The following LY9 variants were observed in gnomAD, a reference collection of about 807,000 sequenced individuals.
The protein encoded by LY9 is lymphocyte antigen 9.
In LY9, 59 loss-of-function variants were observed where a neutral mutation model predicts 64.6. That is an observed-to-expected ratio of 0.91 (90% CI 0.74 to 1.13). LY9 has a LOEUF of 1.13. LY9 is among the 50% of genes most tolerant of loss of function. The pLI is 0.00. For synonymous variants in LY9, 281 were observed against 308.5 expected (o/e 0.91, Z 0.93); for missense variants, 789 against 797.2 (o/e 0.99, Z 0.12).
intron 2 of LY9, chr1:160,801,942 A>C (rs1322176499): frequency 6.2e-7 from 1 of 1,610,890 alleles, no homozygotes; most frequent in South Asian, 1.1e-5. Context: ...CTGCCACTGG[A>C]GACCGCTCCG....
chr1:160,807,516 C>T (rs908661278), intron 2 of LY9, among the ~76,000 whole-genome samples: 1 of 152,162 alleles, frequency 6.6e-6, no homozygotes, highest in African/African-American at 2.4e-5. Flanking sequence ...TGCTTATCAG[C>T]AGGTCGATTT....
intron 1 of LY9, chr1:160,798,992 G>C (rs1448517106): frequency 1.3e-5 from 2 of 152,170 alleles, no homozygotes; most frequent in Non-Finnish European, 2.9e-5. Flanking sequence ...CCAAATACCA[G>C]CTTCCTAGAT....
At chr1:160,802,185 G>A in intron 2 of LY9, 1 of 1,234,984 alleles carries the variant, frequency 8.1e-7, no homozygotes, top group Non-Finnish European at 1.0e-6. Flanking sequence ...GTGTGCCAGT[G>A]GGGTTTGTGC....
rs781003335 is a variant in LY9 at position 160,824,166 on chromosome 1, G to A, written c.1831-15G>A. 19 of 1,614,016 alleles carry A rather than the reference G, an allele frequency of 1.2e-5. No homozygotes were observed. The highest frequency in any genetic ancestry group is 5.0e-5 in the Admixed American group (3 of 60,006). On this transcript the variant is annotated splice_polypyrimidine_tract_variant and intron_variant, in intron 8 of 9. Transcript: ENST00000263285. ...ATGTGGTCACTAGGGCTCATCTGCT[G>A]TTGGTGTGTTACAGGGAAAGACCCC...
At chr1:160,803,118 C>A (rs1363093082) in intron 2 of LY9, among the ~76,000 whole-genome samples, 1 of 151,992 alleles carries the variant, frequency 6.6e-6, no homozygotes, top group African/African-American at 2.4e-5. Context: ...CCCGTCTATA[C>A]TAAAAATACA....
intron 2 of LY9, among the ~76,000 whole-genome samples, chr1:160,805,658 C>T (rs1666902399): frequency 6.6e-6 from 1 of 151,710 alleles, no homozygotes; most frequent in Non-Finnish European, 1.5e-5. Context: ...TGTTGATTTT[C>T]CATCTAGAAG....
At chr1:160,817,309 TA>T (rs1311084881) in intron 5 of LY9, among the ~76,000 whole-genome samples, 48 of 152,356 alleles carry the variant, frequency 3.2e-4, no homozygotes, top group African/African-American at 1.1e-3. Flanking sequence ...GCACCCAAGT[TA>T]TTCCAAGCAT....
rs572867028 is a variant in LY9 at position 160,824,265 on chromosome 1, T to C, written c.1899+16T>C. 1.9e-6 allele frequency: 3 copies of C among 1,614,074 alleles called. No individual in the cohort carries two copies. The African/African-American group carries it at 4.0e-5, about 22-fold the overall frequency. On this transcript the variant is annotated intron_variant, in intron 9 of 9. Coordinates refer to ENST00000263285, the MANE Select transcript of LY9 (RefSeq NM_002348.4). ...GAAACCTCAGGTGGTGAGAACTACA[T>C]TCTCTGTATCCCAAGGCCCACAGAG...
intron 3 of LY9, 47 bp downstream of exon 3, chr1:160,813,958 G>A: frequency 6.3e-7 from 1 of 1,580,140 alleles, no homozygotes; most frequent in South Asian, 1.2e-5. Flanking sequence ...GAAACAATAT[G>A]AGCAGCTGTG....
rs768422828 is a variant in LY9 at position 160,816,551 on chromosome 1, G to T, written c.1073-43G>T. 7.8e-6 allele frequency: 12 copies of T among 1,542,240 alleles called. 1 individual carries two copies. In the South Asian group the frequency reaches 1.4e-4, roughly 18 times the overall value. ...GAATGAAGACAGGTGACTGCTCAGG[G>T]GGCAGGCCTGATTCCACATGGAGTC... On this transcript the variant is annotated intron_variant, in intron 4 of 9. Transcript: ENST00000263285.
At position 160,821,552 on chromosome 1, in the gene LY9, C is replaced by T. The variant is rs199826340; in HGVS notation, c.1499-1913C>T. Reference sequence around the variant, plus strand: ...CTTGTTACTTCTTTCCTAAAATATGCTAATAGTTTCTTTGCAGACTATTTC... The same window carrying T: ...CTTGTTACTTCTTTCCTAAAATATGTTAATAGTTTCTTTGCAGACTATTTC... On this transcript the variant is annotated intron_variant, in intron 7 of 9. Transcript: ENST00000263285. Among the ~76,000 whole-genome samples the T allele has an allele frequency of 2.6e-5, 4 of 152,188 alleles. No individual in the cohort carries two copies. In the East Asian group the frequency reaches 7.7e-4, roughly 29 times the overall value.
chr1:160,818,427 T>A (rs575217), intron 6 of LY9, 108 bp downstream of exon 6: 232,373 of 734,904 alleles, frequency 0.32, 37,990 homozygotes, highest in South Asian at 0.43. Context: ...CCTGCCAGCA[T>A]CTTATTTCTT....
intron 2 of LY9, chr1:160,813,304 T>C: frequency 3.1e-6 from 1 of 324,376 alleles, no homozygotes; most frequent in South Asian, 5.2e-5. Flanking sequence ...TCATTGAACA[T>C]TCATGAGTGT....
Position 160,799,983 on chromosome 1 carries a change from A to T in LY9, c.355A>T (p.Ser119Cys). Reference sequence around the variant, plus strand: ...CAAGTGGAGTTACTCCCTGTGCATCAGCAATCTGACTCTGAATGATGCAGG... The same window carrying T: ...CAAGTGGAGTTACTCCCTGTGCATCTGCAATCTGACTCTGAATGATGCAGG... ...ITKWSYSLCISNLTLNDAGSY... is the reference protein window; with the variant it reads ...ITKWSYSLCICNLTLNDAGSY... Residue 119 changes from serine (S) to cysteine (C), a missense_variant, in exon 2 of 10, where the codon AGC becomes TGC. Transcript: ENST00000263285. 3 of 1,614,226 alleles carry T rather than the reference A, an allele frequency of 1.9e-6. No individual in the cohort carries two copies. The highest frequency in any genetic ancestry group is 2.5e-6 in the Non-Finnish European group (3 of 1,180,028).
chr1:160,797,068 C>G, intron 1 of LY9: 1 of 980,086 alleles, frequency 1.0e-6, no homozygotes, highest in African/African-American at 1.7e-5. Flanking sequence ...TGGCGTTTAT[C>G]TGGATATCCT....
intron 1 of LY9, chr1:160,797,140 C>T (rs1665965407): frequency 1.0e-6 from 1 of 985,584 alleles, no homozygotes; most frequent in Non-Finnish European, 1.2e-6. Context: ...CTCTCCGCTG[C>T]ATGGCCCGGA....
chr1:160,804,152 A>G (rs371560713), intron 2 of LY9, among the ~76,000 whole-genome samples: 2 of 152,340 alleles, frequency 1.3e-5, no homozygotes, highest in East Asian at 3.9e-4. Context: ...GAAAGTGGGT[A>G]TCCTTATCTT....
At chr1:160,802,175 G>C in intron 2 of LY9, 1 of 1,253,664 alleles carries the variant, frequency 8.0e-7, no homozygotes, top group Non-Finnish European at 1.0e-6. Flanking sequence ...GCTGGGCCTT[G>C]TGTGCCAGTG....
At chr1:160,799,174 C>A (rs945394068) in intron 1 of LY9, 1 of 152,790 alleles carries the variant, frequency 6.5e-6, no homozygotes, top group Non-Finnish European at 1.5e-5. Flanking sequence ...CTTTAGTTCC[C>A]GACACTGCTA....
Sources: allele counts gnomAD v4.1 joint callset (sites outside exome capture counted in the v4.1 genomes callset), GRCh38; gene constraint gnomAD v4.1.1; transcripts MANE v1.5; gene names NCBI Gene and HGNC (gene_info 2026-07-23, HGNC 2026-07-21).